The following IL17RC variants were observed in gnomAD, a reference collection of about 807,000 sequenced individuals.
IL17RC encodes interleukin 17 receptor C, also known as interleukin-17 receptor C.
A neutral mutation model predicts 86.7 loss-of-function variants in IL17RC; 53 were observed. The observed-to-expected ratio is 0.61, with a 90% CI of 0.49 to 0.77. The LOEUF (loss-of-function observed/expected upper bound fraction) is 0.77, where lower values mean the gene tolerates loss of function less well. Ranked by LOEUF, IL17RC falls within the 30% of genes least tolerant of loss-of-function variation. The pLI is 0.00. For missense variants in IL17RC, 957 were observed against 940.0 expected, an observed-to-expected ratio of 1.02 and a Z score of -0.24; for synonymous variants, 439 against 413.1, an observed-to-expected ratio of 1.06 and a Z score of -0.76.
rs1453534710 is a variant in IL17RC, at chr3:9,932,790, C to T, written c.1484-30C>T. 6 of 1,580,276 alleles carry T rather than the reference C, an allele frequency of 3.8e-6. No individual in the cohort carries two copies. The South Asian group carries it at 5.8e-5, about 15-fold the overall frequency. Reference sequence around the variant, plus strand: ...CGAGGGAAAGCGGCGGCCGAGCTCACTGGCTGCCTCCGCCCCTCTCCCCTA... The same window carrying T: ...CGAGGGAAAGCGGCGGCCGAGCTCATTGGCTGCCTCCGCCCCTCTCCCCTA... On this transcript the variant is annotated intron_variant, in intron 17 of 18. Transcript: ENST00000403601.
chr3:9,921,819 G>T (rs1399511446), intron 7 of IL17RC, among the ~76,000 whole-genome samples: 1 of 150,240 alleles, frequency 6.7e-6, no homozygotes, highest in Non-Finnish European at 1.5e-5. Flanking sequence ...TAGAGACAGG[G>T]TTTCACCGTG....
At chr3:9,921,791 ATT>A (rs1212669570) in intron 7 of IL17RC, among the ~76,000 whole-genome samples, 10 of 137,092 alleles carry the variant, frequency 7.3e-5, no homozygotes, top group East Asian at 2.2e-4. Flanking sequence ...CGCCTGGCTA[ATT>A]TTTTTTTTTT....
intron 5 of IL17RC, among the ~76,000 whole-genome samples, chr3:9,919,805 C>T (rs2083399900): frequency 6.6e-6 from 1 of 152,050 alleles, no homozygotes; most frequent in South Asian, 2.1e-4. Context: ...TTAGTATCCT[C>T]ATTTTCCAGA....
Position 9,933,218 on chromosome 3 carries a change from G to A in IL17RC, c.1788G>A (p.Gly596=), listed in dbSNP as rs2084956421. The stretch of plus-strand genomic sequence containing the variant: ...TGTGCAGCGAGTGGCTACAGGATGG[G>A]GTGTCCGGGCCCGGGGCGCACGGCC... ...VALCSEWLQD[G]VSGPGAHGPH... is the part of the protein sequence containing the mutation. Residue 596 remains glycine, a synonymous_variant, in exon 19 of 19, where the codon GGG becomes GGA. Transcript: ENST00000403601. 3.1e-6 allele frequency: 5 copies of A among 1,607,732 alleles called. No homozygotes were observed. The highest frequency in any genetic ancestry group is 4.2e-6 in the Non-Finnish European group (5 of 1,177,706).
At chr3:9,920,278 G>A (rs911629995) in intron 5 of IL17RC, 81 of 531,024 alleles carry the variant, frequency 1.5e-4, no homozygotes, top group Non-Finnish European at 2.2e-4. Context: ...GCCTTTTCCC[G>A]CCCTGGTGAC....
intron 9 of IL17RC, among the ~76,000 whole-genome samples, chr3:9,924,638 C>T (rs1019908559): frequency 1.3e-5 from 2 of 152,210 alleles, no homozygotes; most frequent in African/African-American, 2.4e-5. Context: ...AATCTTGGCT[C>T]TTGCCATTTG....
At chr3:9,918,193 C>A in intron 3 of IL17RC, 118 bp downstream of exon 3, 1 of 1,330,612 alleles carries the variant, frequency 7.5e-7, no homozygotes, top group Non-Finnish European at 1.0e-6. Flanking sequence ...CTGGAGGACA[C>A]CAGCAGAAGG....
chr3:9,927,750 G>A (rs544740906), intron 9 of IL17RC, among the ~76,000 whole-genome samples: 37 of 152,158 alleles, frequency 2.4e-4, no homozygotes, highest in Admixed American at 2.2e-3. Flanking sequence ...AGACCAGCCT[G>A]ATCAATGTGG....
At chr3:9,923,813 A>G in intron 7 of IL17RC, 68 bp from the exon 8 acceptor site, 6 of 1,560,832 alleles carry the variant, frequency 3.8e-6, no homozygotes, top group Admixed American at 1.7e-5. Context: ...GGAAACTCCA[A>G]AGGGTCAGTC....
intron 6 of IL17RC, 101 bp downstream of exon 6, chr3:9,920,703 G>A (rs1309388240): frequency 1.2e-6 from 1 of 861,522 alleles, no homozygotes; most frequent in Non-Finnish European, 1.9e-6. Flanking sequence ...CTCCGGCAGG[G>A]GTCTGAGCTG....
At position 9,926,609 on chromosome 3, in the gene IL17RC, T is replaced by G. The variant is rs1223172769; in HGVS notation, c.823-1557T>G. On this transcript the variant is annotated intron_variant, in intron 9 of 18. Coordinates refer to ENST00000403601, the MANE Select transcript of IL17RC (RefSeq NM_153460.4). Reference sequence around the variant, plus strand: ...CCTACTTGTTTTTTGTTTTTTTGTGTTTTTGTTTTTTTTTTGTTTTTTTGT... The same window carrying G: ...CCTACTTGTTTTTTGTTTTTTTGTGGTTTTGTTTTTTTTTTGTTTTTTTGT... Among the ~76,000 whole-genome samples the G allele has an allele frequency of 2.0e-5, 3 of 150,548 alleles. No individual in the cohort carries two copies. In the South Asian group the frequency reaches 6.2e-4, roughly 31 times the overall value.
chr3:9,917,585 G>A (rs1157905271), intron 1 of IL17RC, 128 bp from the exon 2 acceptor site: 1 of 1,614,114 alleles, frequency 6.2e-7, no homozygotes. Flanking sequence ...GCAAGAGCTG[G>A]GTCTGTCTTT....
At chr3:9,917,503 C>T in intron 1 of IL17RC, 83 bp downstream of exon 1, 1 of 1,614,192 alleles carries the variant, frequency 6.2e-7, no homozygotes, top group Non-Finnish European at 8.5e-7. Flanking sequence ...GCTCCTGTCA[C>T]TGCTGCCACT....
chr3:9,932,969 C>A lies in IL17RC; in HGVS notation c.1539C>A (p.Arg513=). 1 of 1,606,012 alleles carries A rather than the reference C, an allele frequency of 6.2e-7. No individual in the cohort carries two copies. The highest frequency in any genetic ancestry group is 8.5e-7 in the Non-Finnish European group (1 of 1,177,826). Residue 513 remains arginine, a synonymous_variant, in exon 19 of 19, where the codon CGC becomes CGA. Coordinates refer to ENST00000403601, the MANE Select transcript of IL17RC (RefSeq NM_153460.4). ...DVRSGAAARG[R]AALLLYSADD... ...CTCCGGCAGCGGCCGCCAGGGGCCG[C>A]GCGGCTCTGCTCCTCTACTCAGCCG... is the stretch of plus-strand genomic sequence containing the variant.
At chr3:9,924,400 G>T (rs1553584045) in intron 9 of IL17RC, 109 bp downstream of exon 9, 4 of 1,159,308 alleles carry the variant, frequency 3.5e-6, no homozygotes, top group Non-Finnish European at 3.8e-6. Flanking sequence ...TTGAGGTGGA[G>T]ACTGTGGCTC....
intron 9 of IL17RC, among the ~76,000 whole-genome samples, chr3:9,927,104 T>G (rs1487987774): frequency 2.0e-5 from 3 of 152,244 alleles, no homozygotes; most frequent in African/African-American, 7.2e-5. Context: ...AAAGGCTTGA[T>G]GGATAAATTA....
intron 5 of IL17RC, among the ~76,000 whole-genome samples, chr3:9,920,198 G>A (rs974079030): frequency 1.3e-5 from 2 of 152,138 alleles, no homozygotes; most frequent in African/African-American, 2.4e-5. Flanking sequence ...GTGTTGGGGT[G>A]TCTCATCTCC....
At chr3:9,931,804 C>T (rs1391764518) in intron 16 of IL17RC, among the ~76,000 whole-genome samples, 1 of 150,824 alleles carries the variant, frequency 6.6e-6, no homozygotes, top group African/African-American at 2.5e-5. Flanking sequence ...CGCACCTGGC[C>T]CAAATTTATA....
chr3:9,933,383 C>A lies in IL17RC; in HGVS notation c.1953C>A (p.Pro651=), dbSNP rs376117551. 1.2e-6 allele frequency: 2 copies of A among 1,613,048 alleles called. No individual in the cohort carries two copies. Among genetic ancestry groups the A allele is most frequent in the Non-Finnish European group, 8.5e-7 (1 of 1,179,712 alleles). The change falls in exon 19 of 19, where the codon CCC becomes CCA. Residue 651 remains proline, a synonymous_variant. Coordinates refer to ENST00000403601, the MANE Select transcript of IL17RC (RefSeq NM_153460.4). The part of the protein sequence containing the change: ...DAVPALFRTV[P]VFTLPSQLPD... ...TACCCGCCCTTTTCCGCACCGTGCC[C>A]GTCTTCACACTGCCCTCCCAACTGC...
Sources: allele counts gnomAD v4.1 joint callset (sites outside exome capture counted in the v4.1 genomes callset), GRCh38; gene constraint gnomAD v4.1.1; transcripts MANE v1.5; gene names NCBI Gene and HGNC (gene_info 2026-07-23, HGNC 2026-07-21).